NPLOC4: variants seen among roughly 807,000 people sequenced by gnomAD.
NPLOC4 encodes nuclear protein localization protein 4 homolog.
NPLOC4 carries 18 observed loss-of-function variants against 80.6 expected under a neutral mutation model. The observed-to-expected ratio is 0.22, with a 90% CI of 0.15 to 0.33. The LOEUF (loss-of-function observed/expected upper bound fraction) is 0.33, where lower values mean the gene tolerates loss of function less well. Ranked by LOEUF, NPLOC4 falls within the 10% of genes least tolerant of loss-of-function variation. The pLI is 1.00. For missense variants in NPLOC4, 540 were observed against 786.1 expected, an observed-to-expected ratio of 0.69 and a Z score of 3.74; for synonymous variants, 313 against 301.5, an observed-to-expected ratio of 1.04 and a Z score of -0.39.
At chr17:81,613,257 C>T (rs2035391649) in intron 4 of NPLOC4, 61 bp downstream of exon 4, 1 of 1,409,180 alleles carries the variant, frequency 7.1e-7, no homozygotes, top group East Asian at 2.4e-5. Context: ...ATAAATATTT[C>T]CCTTTATTCA....
Position 81,572,658 on chromosome 17 carries a change from G to T in NPLOC4, c.1282-570C>A, listed in dbSNP as rs1488696611. Among the ~76,000 whole-genome samples the T allele has an allele frequency of 1.3e-5, 2 of 152,242 alleles. No individual in the cohort carries two copies. Among genetic ancestry groups the T allele is most frequent in the African/African-American group, 4.8e-5 (2 of 41,478 alleles). ...GGCACTGGGACTCCCCACTGGGAGA[G>T]CACATCAAATGCCTCCTCTCCACCC... On this transcript the variant is annotated intron_variant, in intron 12 of 16. Transcript: ENST00000331134. This position sits in a 1 kb window ranked among gnomAD's most constrained non-coding sequence, Gnocchi z 4.5.
intron 12 of NPLOC4, among the ~76,000 whole-genome samples, chr17:81,576,636 A>T (rs1422652802): frequency 1.8e-5 from 2 of 112,302 alleles, no homozygotes; most frequent in Non-Finnish European, 3.7e-5. Flanking sequence ...TAAAAGACAA[A>T]GAACGAAAAC....
chr17:81,581,989 A>C (rs1433000834), intron 12 of NPLOC4, among the ~76,000 whole-genome samples: 1 of 152,212 alleles, frequency 6.6e-6, no homozygotes, highest in African/African-American at 2.4e-5. Context: ...ACATGCTTCC[A>C]TGGTGGACCC....
intron 1 of NPLOC4, among the ~76,000 whole-genome samples, chr17:81,631,437 T>TATATATATATATATATA (rs200897859): frequency 0.015 from 652 of 42,542 alleles, 8 homozygotes; most frequent in Non-Finnish European, 0.021. Flanking sequence ...TATATATATA[T>TATATATATATATATATA]TTTTTTTTTT....
chr17:81,571,316 C>T (rs1481462088), intron 13 of NPLOC4, among the ~76,000 whole-genome samples: 3 of 152,332 alleles, frequency 2.0e-5, no homozygotes, highest in African/African-American at 7.2e-5. Flanking sequence ...GATGCACTGG[C>T]TTCTGCAAAG....
chr17:81,606,343 G>C (rs952940971), intron 7 of NPLOC4, among the ~76,000 whole-genome samples: 3 of 152,234 alleles, frequency 2.0e-5, no homozygotes, highest in East Asian at 3.9e-4. Context: ...CCTTAAGCCA[G>C]CCTGGACAGG....
chr17:81,606,178 A>C (rs2035198172), intron 7 of NPLOC4, among the ~76,000 whole-genome samples: 1 of 152,094 alleles, frequency 6.6e-6, no homozygotes, highest in South Asian at 2.1e-4. Context: ...GTTTCCAAAA[A>C]AGTCGAGGAG....
rs190998001 is a variant in NPLOC4, at chr17:81,633,922, A to G, written c.15+2994T>C. Among the ~76,000 whole-genome samples the G allele has an allele frequency of 2.6e-4, 39 of 150,534 alleles. No homozygotes were observed. In the East Asian group the frequency reaches 7.4e-3, roughly 29 times the overall value. On this transcript the variant is annotated intron_variant, in intron 1 of 16. Coordinates refer to ENST00000331134, the MANE Select transcript of NPLOC4 (RefSeq NM_017921.4). ...CACTCTGTCACCCAGGCTGGAGTGC[A>G]GTGGTGCGATCTCGGCTCACTGCAA...
chr17:81,570,288 T>C (rs537969908), intron 13 of NPLOC4, among the ~76,000 whole-genome samples: 1 of 152,214 alleles, frequency 6.6e-6, no homozygotes. Flanking sequence ...AGGATGAAGA[T>C]GATCGGAGTA....
At chr17:81,608,986 C>T (rs926536563) in intron 5 of NPLOC4, 164 bp from the exon 6 acceptor site, 2 of 513,610 alleles carry the variant, frequency 3.9e-6, no homozygotes, top group Non-Finnish European at 7.0e-6. Context: ...GAGTCAGAAC[C>T]AAGTTTTTCT....
chr17:81,619,773 G>A (rs2035615571), intron 3 of NPLOC4, among the ~76,000 whole-genome samples: 1 of 150,884 alleles, frequency 6.6e-6, no homozygotes, highest in Non-Finnish European at 1.5e-5. Flanking sequence ...CAGCTACTCA[G>A]GAGGCTGAGG....
chr17:81,560,116 T>C (rs529477547), intron 16 of NPLOC4, among the ~76,000 whole-genome samples: 75 of 151,984 alleles, frequency 4.9e-4, no homozygotes, highest in African/African-American at 1.8e-3. Context: ...TTATTTCTCT[T>C]GGATAAAAAC....
intron 16 of NPLOC4, chr17:81,565,126 C>A: frequency 1.7e-6 from 1 of 594,786 alleles, no homozygotes. Context: ...GCTTTAAGCA[C>A]TAAAGGGAAA....
rs183303054 is a variant in NPLOC4, at chr17:81,576,415, C to T, written c.1282-4327G>A. 7.2e-4 allele frequency among the ~76,000 whole-genome samples: 110 copies of T among 152,138 alleles called. 1 individual carries two copies. The highest frequency in any genetic ancestry group is 2.3e-3 in the African/African-American group (94 of 41,492). On this transcript the variant is annotated intron_variant, in intron 12 of 16. Transcript: ENST00000331134. ...TCGAGGGCTAGGAAACTCATGTATA[C>T]GGAGGTCTAACTTTACATATAAGCA...
chr17:81,619,516 C>T (rs898925469), intron 3 of NPLOC4, among the ~76,000 whole-genome samples: 6 of 145,276 alleles, frequency 4.1e-5, no homozygotes, highest in Non-Finnish European at 8.9e-5. Context: ...TGCCACTGCA[C>T]TCTAGCCTGG....
chr17:81,626,140 C>G (rs1430839642), intron 2 of NPLOC4, among the ~76,000 whole-genome samples: 1 of 144,868 alleles, frequency 6.9e-6, no homozygotes, highest in East Asian at 2.0e-4. Context: ...CAGAGTGAGA[C>G]TTCATCTCAA....
At chr17:81,618,225 C>T (rs1006254919) in intron 3 of NPLOC4, among the ~76,000 whole-genome samples, 6 of 150,710 alleles carry the variant, frequency 4.0e-5, no homozygotes, top group African/African-American at 1.5e-4. Flanking sequence ...CGCCTCTTTC[C>T]GGCCGCCATC....
At chr17:81,565,203 A>G (rs1043971677) in intron 16 of NPLOC4, 3 of 631,480 alleles carry the variant, frequency 4.8e-6, no homozygotes, top group African/African-American at 3.7e-5. Flanking sequence ...CTCTTAAGAC[A>G]ATGATGTTCA....
At position 81,557,712 on chromosome 17, in the gene NPLOC4, G is replaced by C. The variant is rs968747831; in HGVS notation, c.*1547C>G. 1 of 152,298 alleles carries C rather than the reference G, an allele frequency of 6.6e-6. No individual in the cohort carries two copies. The highest frequency in any genetic ancestry group is 1.5e-5 in the Non-Finnish European group (1 of 68,106). The allele number at this position is 152,298 out of a possible 1,614,324, so 9.4% of individuals were successfully genotyped here. On this transcript the variant is annotated 3_prime_UTR_variant, in exon 17 of 17. Coordinates refer to ENST00000331134, the MANE Select transcript of NPLOC4 (RefSeq NM_017921.4). ...GGTGGGCAAGCTGGGAGTTGCATCC[G>C]CAGCAGTCCGCTTCAACCCAGCTCC...
Sources: gnomAD v4.1 joint callset for allele counts (sites outside exome capture counted in the v4.1 genomes callset) on GRCh38, gnomAD v4.1.1 for gene constraint, Gnocchi (gnomAD v3.1) non-coding constraint, MANE v1.5 for transcripts, NCBI Gene and HGNC (gene_info 2026-07-23, HGNC 2026-07-21) for gene names.